The following XRCC5 variants were observed in gnomAD, a reference collection of about 807,000 sequenced individuals.
XRCC5 encodes X-ray repair cross complementing 5.
Under a neutral mutation model 95.7 loss-of-function variants are expected in XRCC5, and 12 were observed. That is an observed-to-expected ratio of 0.13 (90% CI 0.08 to 0.20). The LOEUF is 0.20. Ranked by LOEUF, XRCC5 falls within the 10% of genes least tolerant of loss-of-function variation. The pLI is 1.00. For synonymous variants in XRCC5, 281 were observed against 290.3 expected (o/e 0.97, Z 0.33); for missense variants, 595 against 873.9 (o/e 0.68, Z 4.02).
chr2:216,149,864 C>T (rs1264124450), intron 14 of XRCC5, among the ~76,000 whole-genome samples: 1 of 152,150 alleles, frequency 6.6e-6, no homozygotes, highest in East Asian at 1.9e-4. Context: ...CATAATGGCT[C>T]GCAGCATAGC....
chr2:216,197,858 T>TAC (rs1559264701), intron 19 of XRCC5, among the ~76,000 whole-genome samples: 4 of 152,342 alleles, frequency 2.6e-5, no homozygotes, highest in Non-Finnish European at 5.9e-5. Flanking sequence ...GCCAATGTAG[T>TAC]ATGTATACCA....
chr2:216,149,456 A>G (rs754648629), intron 14 of XRCC5, among the ~76,000 whole-genome samples: 1 of 152,180 alleles, frequency 6.6e-6, no homozygotes. Context: ...CTATCGTTCT[A>G]CACAAGAAGA....
chr2:216,182,929 C>T (rs1689416271), intron 16 of XRCC5, among the ~76,000 whole-genome samples: 1 of 152,096 alleles, frequency 6.6e-6, no homozygotes, highest in East Asian at 1.9e-4. Flanking sequence ...AGAACCATTC[C>T]ACTTACCAGG....
intron 16 of XRCC5, among the ~76,000 whole-genome samples, chr2:216,187,906 T>C (rs1030544313): frequency 6.8e-6 from 1 of 147,672 alleles, no homozygotes; most frequent in African/African-American, 2.5e-5. Context: ...GACTAATCCT[T>C]CTTAGCCTCC....
Position 216,160,049 on chromosome 2 carries a change from T to C in XRCC5, c.1671-19T>C. ...TTTGTATTGTTTGTTCTAAGAGAAA[T>C]TTTTTTTTTCTTTTCTAGCCATGAA... On this transcript the variant is annotated intron_variant, in intron 14 of 20. Transcript: ENST00000392132. The C allele has an allele frequency of 7.3e-7, 1 of 1,363,870 alleles. No homozygotes were observed. The highest frequency in any genetic ancestry group is 1.0e-6 in the Non-Finnish European group (1 of 994,436). The allele number at this position is 1,363,870 out of a possible 1,614,324, so 84.5% of individuals were successfully genotyped here.
intron 19 of XRCC5, among the ~76,000 whole-genome samples, chr2:216,203,486 C>T (rs955192974): frequency 2.0e-5 from 3 of 152,196 alleles, no homozygotes; most frequent in Non-Finnish European, 4.4e-5. Context: ...ACTGCTATCC[C>T]TTGGAGGGAC....
chr2:216,186,846 G>A (rs1379430125), intron 16 of XRCC5, among the ~76,000 whole-genome samples: 1 of 152,166 alleles, frequency 6.6e-6, no homozygotes, highest in Non-Finnish European at 1.5e-5. Context: ...TGGGGCAGGG[G>A]AGTCAAAAGC....
At chr2:216,171,833 G>A (rs897844324) in intron 16 of XRCC5, among the ~76,000 whole-genome samples, 3 of 152,146 alleles carry the variant, frequency 2.0e-5, no homozygotes, top group Admixed American at 6.5e-5. Context: ...AAGTCTCTTA[G>A]ATAAATTGCA....
chr2:216,134,178 T>G (rs1056998177), intron 10 of XRCC5, among the ~76,000 whole-genome samples: 1 of 152,236 alleles, frequency 6.6e-6, no homozygotes, highest in Non-Finnish European at 1.5e-5. Context: ...AGATGAATAC[T>G]GTTGTTTTTT....
intron 19 of XRCC5, among the ~76,000 whole-genome samples, chr2:216,201,867 G>T (rs1174160586): frequency 2.0e-5 from 3 of 152,222 alleles, no homozygotes; most frequent in Non-Finnish European, 4.4e-5. Context: ...ATGTGGAAGA[G>T]ATCAGCCTTG....
intron 14 of XRCC5, chr2:216,156,446 A>G (rs1228272263): frequency 1.4e-5 from 10 of 710,458 alleles, no homozygotes; most frequent in Non-Finnish European, 2.0e-5. Context: ...TGTAGTCTCT[A>G]TCGTACAGCA....
At chr2:216,201,577 C>T (rs556391507) in intron 19 of XRCC5, among the ~76,000 whole-genome samples, 2 of 152,214 alleles carry the variant, frequency 1.3e-5, no homozygotes, top group African/African-American at 4.8e-5. Context: ...TTTATGGTAA[C>T]CCCAGGTAAG....
chr2:216,156,548 T>C, intron 14 of XRCC5: 1 of 600,158 alleles, frequency 1.7e-6, no homozygotes, highest in Non-Finnish European at 3.3e-6. Context: ...GGCTTCCCGG[T>C]ACTTGGTGAG....
chr2:216,166,890 G>T (rs1160689059), intron 16 of XRCC5, among the ~76,000 whole-genome samples: 1 of 152,124 alleles, frequency 6.6e-6, no homozygotes, highest in African/African-American at 2.4e-5. Context: ...GATCTTAAGA[G>T]CCAGAAAGGA....
At chr2:216,141,780 C>T (rs757116622) in intron 13 of XRCC5, among the ~76,000 whole-genome samples, 2 of 151,928 alleles carry the variant, frequency 1.3e-5, no homozygotes, top group Admixed American at 6.6e-5. Flanking sequence ...TGGCCACGTG[C>T]GGTGGTTCAT....
At chr2:216,145,876 A>C (rs552021538) in intron 13 of XRCC5, among the ~76,000 whole-genome samples, 1 of 152,332 alleles carries the variant, frequency 6.6e-6, no homozygotes, top group Non-Finnish European at 1.5e-5. Context: ...TAGAATCTTC[A>C]GGAGTTTATG....
At chr2:216,117,069 A>T (rs900829338) in intron 3 of XRCC5, 4 of 550,830 alleles carry the variant, frequency 7.3e-6, no homozygotes, top group African/African-American at 5.7e-5. Flanking sequence ...TGCATGGGTG[A>T]TACTGAGAGG....
At chr2:216,170,287 C>T (rs1689134105) in intron 16 of XRCC5, among the ~76,000 whole-genome samples, 1 of 152,058 alleles carries the variant, frequency 6.6e-6, no homozygotes, top group Non-Finnish European at 1.5e-5. Flanking sequence ...TTTGTTTTCT[C>T]ATGCTACATA....
At chr2:216,142,681 CAG>C (rs1343915948) in intron 13 of XRCC5, among the ~76,000 whole-genome samples, 4 of 152,264 alleles carry the variant, frequency 2.6e-5, no homozygotes, top group East Asian at 3.9e-4. Context: ...TTGGGGGTAA[CAG>C]GGCATGTGCT....
Sources: gnomAD v4.1 joint callset for allele counts (sites outside exome capture counted in the v4.1 genomes callset) on GRCh38, gnomAD v4.1.1 for gene constraint, MANE v1.5 for transcripts, NCBI Gene and HGNC (gene_info 2026-07-23, HGNC 2026-07-21) for gene names.